Variants in KCNJ6 observed in about 807,000 individuals in gnomAD.
The protein encoded by KCNJ6 is G protein-activated inward rectifier potassium channel 2.
Under a neutral mutation model 34.2 loss-of-function variants are expected in KCNJ6, and 9 were observed. The ratio of observed to expected loss-of-function variants is 0.26; its 90% CI spans 0.16 to 0.46. The LOEUF is 0.46. KCNJ6 is among the 20% of genes least tolerant of loss of function. The probability of loss-of-function intolerance (pLI) is 1.00; values close to 1 mark genes in which losing one functional copy is unlikely to be tolerated. For synonymous variants in KCNJ6, 196 were observed against 207.1 expected (o/e 0.95, Z 0.46); for missense variants, 236 against 531.3 (o/e 0.44, Z 5.46).
intron 2 of KCNJ6, among the ~76,000 whole-genome samples, chr21:37,725,529 GT>G (rs1278214331): frequency 1.3e-5 from 2 of 152,236 alleles, no homozygotes; most frequent in Non-Finnish European, 2.9e-5. Flanking sequence ...AAAGGTGTGT[GT>G]TGGGAGAGGA....
chr21:37,787,890 G>A (rs2055199695), intron 2 of KCNJ6, among the ~76,000 whole-genome samples: 1 of 152,182 alleles, frequency 6.6e-6, no homozygotes, highest in Non-Finnish European at 1.5e-5. Flanking sequence ...TCCATCAGTA[G>A]TGACTTTAAT....
chr21:37,783,406 G>T (rs906349508), intron 2 of KCNJ6, among the ~76,000 whole-genome samples: 4 of 152,262 alleles, frequency 2.6e-5, no homozygotes, highest in Admixed American at 2.0e-4. Flanking sequence ...AATCTCACGA[G>T]ATCTGATGGT....
At chr21:37,678,419 G>C (rs1179813799) in intron 3 of KCNJ6, among the ~76,000 whole-genome samples, 1 of 152,228 alleles carries the variant, frequency 6.6e-6, no homozygotes, top group Non-Finnish European at 1.5e-5. Flanking sequence ...ATTGTATAGA[G>C]AGGTGGGGAT....
chr21:37,731,824 C>T (rs539871509), intron 2 of KCNJ6, among the ~76,000 whole-genome samples: 123 of 152,160 alleles, frequency 8.1e-4, no homozygotes, highest in Middle Eastern at 3.4e-3. Flanking sequence ...AGTGAGAAGG[C>T]GGAGGAGTTA....
chr21:37,848,170 C>G (rs931535881), intron 1 of KCNJ6, among the ~76,000 whole-genome samples: 1 of 152,106 alleles, frequency 6.6e-6, no homozygotes, highest in Admixed American at 6.6e-5. Context: ...GTGTGAAGAC[C>G]GTGGCAACCC....
At position 37,610,598 on chromosome 21, in the gene KCNJ6, T is replaced by TAAAAAAAAAAAAAAA. The variant is rs71328602; in HGVS notation, c.*14546_*14560dup. ...TGGGCAACAGAGTGAGACTCTGTCT[T>TAAAAAAAAAAAAAAA]AAAAAAAAAAAAAAAAAAAAAAGGA... On this transcript the variant is annotated 3_prime_UTR_variant, in exon 4 of 4. Transcript: ENST00000609713. 2 of 77,472 alleles carry TAAAAAAAAAAAAAAA rather than the reference T, an allele frequency of 2.6e-5. No individual in the cohort carries two copies. Among genetic ancestry groups the TAAAAAAAAAAAAAAA allele is most frequent in the African/African-American group, 5.7e-5 (1 of 17,428 alleles). The allele number at this position is 77,472 out of a possible 1,614,324, so 4.8% of individuals were successfully genotyped here.
intron 2 of KCNJ6, among the ~76,000 whole-genome samples, chr21:37,753,103 G>A (rs2055004840): frequency 6.6e-6 from 1 of 152,242 alleles, no homozygotes; most frequent in Non-Finnish European, 1.5e-5. Context: ...ACGGCCGCAT[G>A]GAAAGGTGCT....
At chr21:37,855,171 T>G (rs2055558471) in intron 1 of KCNJ6, among the ~76,000 whole-genome samples, 1 of 152,038 alleles carries the variant, frequency 6.6e-6, no homozygotes, top group Non-Finnish European at 1.5e-5. Flanking sequence ...AAAATAAAAT[T>G]TTTTTGGTTT....
intron 1 of KCNJ6, among the ~76,000 whole-genome samples, chr21:37,876,043 A>G (rs1026998221): frequency 6.6e-6 from 1 of 152,244 alleles, no homozygotes. Flanking sequence ...TGTGGGGCCT[A>G]GTGTAAAACA....
chr21:37,796,779 CTT>C (rs1172378200), intron 2 of KCNJ6, among the ~76,000 whole-genome samples: 32 of 71,470 alleles, frequency 4.5e-4, no homozygotes, highest in African/African-American at 1.1e-3. Context: ...TTCTTTCTTT[CTT>C]TTTTTTTTTT....
intron 2 of KCNJ6, among the ~76,000 whole-genome samples, chr21:37,734,915 G>A (rs2054904954): frequency 6.6e-6 from 1 of 152,140 alleles, no homozygotes; most frequent in South Asian, 2.1e-4. Context: ...TCTGTGGAAC[G>A]TATTTGATAT....
Position 37,885,341 on chromosome 21 carries a change from T to C in KCNJ6, c.-28+30543A>G, listed in dbSNP as rs138836960. Reference sequence around the variant, plus strand: ...GGACACAGGTGCTTGTGTCTTATGGTAGGCAGAATTCAAAGGTGGCCCCCA... The same window carrying C: ...GGACACAGGTGCTTGTGTCTTATGGCAGGCAGAATTCAAAGGTGGCCCCCA... On this transcript the variant is annotated intron_variant, in intron 1 of 3. Coordinates refer to ENST00000609713, the MANE Select transcript of KCNJ6 (RefSeq NM_002240.5). Among the ~76,000 whole-genome samples, 707 of 152,204 alleles carry C rather than the reference T, an allele frequency of 4.6e-3. 2 individuals carry two copies. The highest frequency in any genetic ancestry group is 8.5e-3 in the Non-Finnish European group (579 of 68,004).
intron 2 of KCNJ6, among the ~76,000 whole-genome samples, chr21:37,824,857 G>A (rs1265929821): frequency 6.6e-6 from 1 of 151,772 alleles, no homozygotes; most frequent in Non-Finnish European, 1.5e-5. Flanking sequence ...TTATAGCAGT[G>A]TGAGAACGGG....
At chr21:37,784,506 C>T (rs921109555) in intron 2 of KCNJ6, among the ~76,000 whole-genome samples, 3 of 152,146 alleles carry the variant, frequency 2.0e-5, no homozygotes, top group South Asian at 2.1e-4. Flanking sequence ...TTTGGAAATA[C>T]GGTCTTTGCA....
chr21:37,667,187 AAATG>A (rs2054518727), intron 3 of KCNJ6, among the ~76,000 whole-genome samples: 5 of 76,434 alleles, frequency 6.5e-5, no homozygotes, highest in Non-Finnish European at 1.1e-4. Flanking sequence ...AAAAAAAATT[AAATG>A]AGGCAACGCA....
chr21:37,840,209 A>AT (rs2055473470), intron 2 of KCNJ6, among the ~76,000 whole-genome samples: 1 of 152,196 alleles, frequency 6.6e-6, no homozygotes, highest in African/African-American at 2.4e-5. Flanking sequence ...CAAGCACTCC[A>AT]TTTTTTAATA....
chr21:37,714,172 A>G lies in KCNJ6; in HGVS notation c.946+39T>C. 1 of 1,409,646 alleles carries G rather than the reference A, an allele frequency of 7.1e-7. No homozygotes were observed. The allele number at this position is 1,409,646 out of a possible 1,614,324, so 87.3% of individuals were successfully genotyped here. A position where few individuals can be genotyped will look rare whatever the true frequency, so the allele number is the denominator to read the frequency against. On this transcript the variant is annotated intron_variant, in intron 3 of 3. Transcript: ENST00000609713. This position sits in a 1 kb window ranked among gnomAD's most constrained non-coding sequence, Gnocchi z 5.9. ...ACATCAGGTCCAGTTTAAAATGAGC[A>G]TCTATCCCACAGCCATCCCAGGATA...
rs1200656270 is a variant in KCNJ6, at chr21:37,699,302, C to T, written c.946+14909G>A. 3.3e-5 allele frequency among the ~76,000 whole-genome samples: 5 copies of T among 152,184 alleles called. No homozygotes were observed. The South Asian group carries it at 6.2e-4, about 19-fold the overall frequency. Reference sequence around the variant, plus strand: ...CTGCAGATTGAGTACACCTCAGCTTCGGCCCCCTTGCCTGTTGAGTTTTTA... The same window carrying T: ...CTGCAGATTGAGTACACCTCAGCTTTGGCCCCCTTGCCTGTTGAGTTTTTA... On this transcript the variant is annotated intron_variant, in intron 3 of 3. Coordinates refer to ENST00000609713, the MANE Select transcript of KCNJ6 (RefSeq NM_002240.5).
Position 37,859,524 on chromosome 21 carries a change from T to A in KCNJ6, c.-27-18815A>T, listed in dbSNP as rs1238557677. ...ATATATATATATATATATATATATA[T>A]ATATATAAAATACTTAAAAAGCTCT... On this transcript the variant is annotated intron_variant, in intron 1 of 3. Transcript: ENST00000609713. 1.4e-3 allele frequency among the ~76,000 whole-genome samples: 105 copies of A among 77,362 alleles called. 5 individuals carry two copies. Among genetic ancestry groups the A allele is most frequent in the African/African-American group, 5.0e-3 (92 of 18,442 alleles). 50.8% of individuals were successfully genotyped at this position (77,362 alleles called of 152,430 possible). A position where few individuals can be genotyped will look rare whatever the true frequency, so the allele number is the denominator to read the frequency against.
Sources: gnomAD v4.1 joint callset for allele counts (sites outside exome capture counted in the v4.1 genomes callset) on GRCh38, gnomAD v4.1.1 for gene constraint, Gnocchi (gnomAD v3.1) non-coding constraint, MANE v1.5 for transcripts, NCBI Gene and HGNC (gene_info 2026-07-23, HGNC 2026-07-21) for gene names.